SLIT1: variants seen among roughly 807,000 people sequenced by gnomAD.
The protein encoded by SLIT1 is slit homolog 1 protein.
A neutral mutation model predicts 186.1 loss-of-function variants in SLIT1; 66 were observed. The observed-to-expected ratio is 0.35, with a 90% CI of 0.29 to 0.44. The LOEUF (loss-of-function observed/expected upper bound fraction) is 0.44, where lower values mean the gene tolerates loss of function less well. Ranked by LOEUF, SLIT1 falls within the 20% of genes least tolerant of loss-of-function variation. The pLI is 1.00. For missense variants in SLIT1, 1,638 were observed against 2,037.4 expected (o/e 0.80, Z 3.77); for synonymous variants, 761 against 833.8 (o/e 0.91, Z 1.50).
chr10:97,117,220 C>T (rs1849517271), intron 4 of SLIT1, among the ~76,000 whole-genome samples: 1 of 151,984 alleles, frequency 6.6e-6, no homozygotes, highest in Non-Finnish European at 1.5e-5. Context: ...ATCAAGGAGC[C>T]CAACCCTGAA....
At chr10:97,171,060 TAAAAA>T (rs940885481) in intron 1 of SLIT1, among the ~76,000 whole-genome samples, 2 of 151,326 alleles carry the variant, frequency 1.3e-5, no homozygotes, top group Non-Finnish European at 2.9e-5. Context: ...CTCAAAAAAA[TAAAAA>T]AAGAAAAAAG....
chr10:97,090,599 G>T (rs1407496086), intron 4 of SLIT1, among the ~76,000 whole-genome samples: 1 of 172 alleles, frequency 5.8e-3, no homozygotes, highest in Non-Finnish European at 0.045. Flanking sequence ...TAGGGTGTTG[G>T]GGGGGGCAGT....
intron 4 of SLIT1, among the ~76,000 whole-genome samples, chr10:97,086,122 A>G (rs943710014): frequency 4.6e-5 from 7 of 152,260 alleles, no homozygotes; most frequent in African/African-American, 1.4e-4. Context: ...CAAAGGAGTT[A>G]CAACTTATGT....
Position 97,171,197 on chromosome 10 carries a change from GA to G in SLIT1, c.198-6308del, listed in dbSNP as rs1376963060. Among the ~76,000 whole-genome samples, 6 of 152,278 alleles carry G rather than the reference GA, an allele frequency of 3.9e-5. No individual in the cohort carries two copies. The East Asian group carries it at 1.2e-3, about 29-fold the overall frequency. On this transcript the variant is annotated intron_variant, in intron 1 of 36. Coordinates refer to ENST00000266058, the MANE Select transcript of SLIT1 (RefSeq NM_003061.3). ...CTGAGAGTGTGCAGAGTCAGACGGGGAAAACGGAGGAAAGAAAGAACTTCTC... is the reference window on the plus strand; with the variant it reads ...CTGAGAGTGTGCAGAGTCAGACGGGGAAACGGAGGAAAGAAAGAACTTCTC...
intron 4 of SLIT1, among the ~76,000 whole-genome samples, chr10:97,081,150 C>A (rs1020548989): frequency 6.6e-6 from 1 of 152,132 alleles, no homozygotes; most frequent in East Asian, 1.9e-4. Context: ...GGGCCTGGGG[C>A]TGGGAAAGGC....
intron 1 of SLIT1, among the ~76,000 whole-genome samples, chr10:97,173,494 CTTTTTTT>C (rs71007318): frequency 7.8e-6 from 1 of 128,206 alleles, no homozygotes; most frequent in Non-Finnish European, 1.6e-5. Context: ...CAGCTCCATC[CTTTTTTT>C]TTTTTTTTTT....
chr10:97,075,711 G>A (rs922490591), intron 4 of SLIT1, among the ~76,000 whole-genome samples: 3 of 152,134 alleles, frequency 2.0e-5, no homozygotes, highest in African/African-American at 4.8e-5. Context: ...TGGCAGCATC[G>A]TCATCCCCGG....
At position 97,060,089 on chromosome 10, in the gene SLIT1, C is replaced by A; in HGVS notation, c.1011G>T (p.Arg337Ser). The A allele has an allele frequency of 1.2e-6, 2 of 1,613,064 alleles. No homozygotes were observed. Among genetic ancestry groups the A allele is most frequent in the Non-Finnish European group, 1.7e-6 (2 of 1,178,998 alleles). ...GAFSPYRKLR[R>S]IDLSNNQIAE... is the part of the protein sequence containing the mutation. ...AGGAAGCAGTGGGAGGCACTCACATCCTCCGTAGCTTTCTGTAGGGTGAGA... is the reference window on the plus strand; with the variant it reads ...AGGAAGCAGTGGGAGGCACTCACATACTCCGTAGCTTTCTGTAGGGTGAGA... Residue 337 changes from arginine to serine, a missense_variant and splice_region_variant, in exon 10 of 37, where the codon AGG (arginine) becomes AGT (serine). This residue lies in a region of SLIT1 where 1,245 missense variants were observed against 1,535.3 expected (regional missense o/e 0.81). Transcript: ENST00000266058.
At chr10:97,063,378 T>G (rs1319999267) in intron 8 of SLIT1, 77 bp downstream of exon 8, 2 of 1,524,402 alleles carry the variant, frequency 1.3e-6, no homozygotes, top group Admixed American at 1.7e-5. Context: ...GGTATTAATG[T>G]CGAGATTAGG....
At chr10:97,171,226 C>T (rs1850183986) in intron 1 of SLIT1, among the ~76,000 whole-genome samples, 1 of 152,120 alleles carries the variant, frequency 6.6e-6, no homozygotes, top group Non-Finnish European at 1.5e-5. Context: ...AACTTCTCTC[C>T]CCAGCCACTG....
intron 8 of SLIT1, among the ~76,000 whole-genome samples, chr10:97,061,191 G>GC (rs1848891110): frequency 6.6e-6 from 1 of 152,190 alleles, no homozygotes. Context: ...GCTATAATAA[G>GC]TGCACTACAT....
chr10:97,022,402 G>A lies in SLIT1; in HGVS notation c.2583-989C>T, dbSNP rs1057451202. Among the ~76,000 whole-genome samples, 7 of 151,770 alleles carry A rather than the reference G, an allele frequency of 4.6e-5. No homozygotes were observed. Among genetic ancestry groups the A allele is most frequent in the Admixed American group, 4.6e-4 (7 of 15,238 alleles). On this transcript the variant is annotated intron_variant, in intron 25 of 36. Transcript: ENST00000266058. The surrounding 1 kb of genome is among the most constrained non-coding windows in gnomAD (Gnocchi z 4.2). ...GTCTGCCCTGCACAACACTGTGAAT[G>A]ATTAAATGCCACCGAGTTGCACACT...
intron 4 of SLIT1, among the ~76,000 whole-genome samples, chr10:97,110,334 C>T (rs1041790242): frequency 2.0e-5 from 3 of 152,122 alleles, no homozygotes; most frequent in African/African-American, 7.2e-5. Context: ...AGGTATTCAC[C>T]GAAGACGCTC....
intron 4 of SLIT1, among the ~76,000 whole-genome samples, chr10:97,096,642 C>T (rs939057346): frequency 6.6e-6 from 1 of 152,150 alleles, no homozygotes; most frequent in African/African-American, 2.4e-5. Flanking sequence ...AGGGCTGCTT[C>T]GCCACCTGCC....
At chr10:97,123,944 T>C (rs541587638) in intron 4 of SLIT1, among the ~76,000 whole-genome samples, 1 of 151,486 alleles carries the variant, frequency 6.6e-6, no homozygotes, top group East Asian at 2.0e-4. Flanking sequence ...TCACGTGGAG[T>C]AGGATGTGTT....
In SLIT1 at chr10:97,021,332, C is replaced by T. The variant is rs187683718; in HGVS notation, c.2664G>A (p.Pro888=). The T allele has an allele frequency of 3.7e-5, 59 of 1,614,120 alleles. No individual in the cohort carries two copies. In the East Asian group the frequency reaches 4.2e-4, roughly 12 times the overall value. Residue 888 remains proline (P), a synonymous_variant, in exon 26 of 37, where the codon CCG becomes CCA. Transcript: ENST00000266058. The surrounding 1 kb of genome is among the most constrained non-coding windows in gnomAD (Gnocchi z 4.5). ...GGGGCCCAGCACAACGAGCAATGCCCGGTTCCTTGTAGCCAGTCTTCACCC... is the reference window on the plus strand; with the variant it reads ...GGGGCCCAGCACAACGAGCAATGCCTGGTTCCTTGTAGCCAGTCTTCACCC... The part of the protein sequence containing the change: ...SSWVKTGYKE[P]GIARCAGPQD...
intron 4 of SLIT1, among the ~76,000 whole-genome samples, chr10:97,105,074 A>C (rs767713956): frequency 1.8e-4 from 27 of 152,220 alleles, no homozygotes; most frequent in African/African-American, 2.4e-4. Flanking sequence ...CATGTGACAG[A>C]GACCTGGCCG....
Position 97,076,662 on chromosome 10 carries a change from C to T in SLIT1, c.414-10576G>A, listed in dbSNP as rs1027536969. On this transcript the variant is annotated intron_variant, in intron 4 of 36. Coordinates refer to ENST00000266058, the MANE Select transcript of SLIT1 (RefSeq NM_003061.3). ...TTCAAGGTGGGTTCTGGAGAGCATT[C>T]GATGATAAGAACCTGCATTGTGCTG... is the stretch of plus-strand genomic sequence containing the variant. Among the ~76,000 whole-genome samples the T allele has an allele frequency of 3.6e-4, 55 of 152,184 alleles. 1 individual carries two copies. Among genetic ancestry groups the T allele is most frequent in the African/African-American group, 1.3e-3 (53 of 41,436 alleles).
At chr10:97,094,216 GGAACCA>G (rs1437160230) in intron 4 of SLIT1, among the ~76,000 whole-genome samples, 1 of 152,214 alleles carries the variant, frequency 6.6e-6, no homozygotes, top group Admixed American at 6.5e-5. Flanking sequence ...AGCTCGTGCT[GGAACCA>G]GAACCTCCAG....
Sources: gnomAD v4.1 joint callset for allele counts (sites outside exome capture counted in the v4.1 genomes callset) on GRCh38, gnomAD v4.1.1 for gene constraint, gnomAD v4.1.1 regional missense constraint, Gnocchi (gnomAD v3.1) non-coding constraint, MANE v1.5 for transcripts, NCBI Gene and HGNC (gene_info 2026-07-23, HGNC 2026-07-21) for gene names.